The following CNBD1 variants were observed in gnomAD, a reference collection of about 807,000 sequenced individuals.
CNBD1 encodes cyclic nucleotide-binding domain-containing protein 1.
CNBD1 carries 71 observed loss-of-function variants against 54.4 expected under a neutral mutation model. The observed-to-expected ratio is 1.30, with a 90% confidence interval of 1.08 to 1.59. The LOEUF is 1.59. Ranked by LOEUF, CNBD1 falls within the 40% of genes most tolerant of loss-of-function variation. The pLI is 0.00. For synonymous variants in CNBD1, 182 were observed against 170.7 expected (o/e 1.07, Z -0.51); for missense variants, 659 against 518.0 (o/e 1.27, Z -2.64).
At chr8:87,224,665 G>T (rs902358723) in intron 5 of CNBD1, among the ~76,000 whole-genome samples, 1 of 151,806 alleles carries the variant, frequency 6.6e-6, no homozygotes, top group Non-Finnish European at 1.5e-5. Flanking sequence ...ATAGTTTGAA[G>T]TCAGGTAGTG....
intron 2 of CNBD1, among the ~76,000 whole-genome samples, chr8:87,424,214 T>C (rs2098329610): frequency 6.6e-6 from 1 of 152,070 alleles, no homozygotes; most frequent in Admixed American, 6.5e-5. Context: ...TGTTGATCCT[T>C]TCAAAATACC....
intron 8 of CNBD1, among the ~76,000 whole-genome samples, chr8:87,296,945 G>A (rs1808887104): frequency 6.6e-6 from 1 of 151,908 alleles, no homozygotes; most frequent in South Asian, 2.1e-4. Flanking sequence ...GGAGGCCGAG[G>A]CGGGCGGATC....
At chr8:87,334,114 G>T (rs1386494333) in intron 8 of CNBD1, among the ~76,000 whole-genome samples, 1 of 152,064 alleles carries the variant, frequency 6.6e-6, no homozygotes, top group Admixed American at 6.6e-5. Flanking sequence ...TCTTGGGAGG[G>T]TGTATGTGTC....
chr8:87,257,991 A>G (rs1808055346), intron 6 of CNBD1, among the ~76,000 whole-genome samples: 1 of 152,170 alleles, frequency 6.6e-6, no homozygotes, highest in Non-Finnish European at 1.5e-5. Flanking sequence ...ACAATTTTGA[A>G]ACATATCTTA....
chr8:86,958,834 G>A (rs150703684), intron 4 of CNBD1, among the ~76,000 whole-genome samples: 17,622 of 152,120 alleles, frequency 0.12, 1,218 homozygotes, highest in African/African-American at 0.19. Flanking sequence ...TTACATTTAA[G>A]ATTAATATTG....
intron 10 of CNBD1, among the ~76,000 whole-genome samples, chr8:87,378,352 A>G (rs1423370255): frequency 6.7e-6 from 1 of 148,714 alleles, no homozygotes; most frequent in Admixed American, 6.7e-5. Context: ...GAAGGGATCC[A>G]GTTTCAGCTT....
chr8:87,312,523 G>A (rs939181136), intron 8 of CNBD1, among the ~76,000 whole-genome samples: 3 of 151,980 alleles, frequency 2.0e-5, no homozygotes, highest in Non-Finnish European at 4.4e-5. Context: ...GTTTGACATT[G>A]CTTTTATAAA....
chr8:87,283,330 A>T (rs575138127), intron 6 of CNBD1, among the ~76,000 whole-genome samples: 3 of 151,492 alleles, frequency 2.0e-5, no homozygotes, highest in African/African-American at 4.8e-5. Context: ...AGGTTGTTCA[A>T]TTTTTTTCTC....
chr8:87,403,449 C>G (rs1807602038), intron 2 of CNBD1, among the ~76,000 whole-genome samples: 1 of 151,986 alleles, frequency 6.6e-6, no homozygotes, highest in South Asian at 2.1e-4. Context: ...ACCCTAGTTT[C>G]AATTTCCGCG....
intron 2 of CNBD1, among the ~76,000 whole-genome samples, chr8:87,406,265 A>G (rs1807651053): frequency 6.6e-6 from 1 of 152,062 alleles, no homozygotes. Context: ...CTGTAGTATG[A>G]TATTATTTTT....
At chr8:86,892,593 T>C (rs1378463430) in intron 2 of CNBD1, among the ~76,000 whole-genome samples, 2 of 152,268 alleles carry the variant, frequency 1.3e-5, no homozygotes, top group Non-Finnish European at 2.9e-5. Context: ...GAAAATAACA[T>C]TTTAAGATTT....
intron 4 of CNBD1, among the ~76,000 whole-genome samples, chr8:87,065,092 T>C (rs1245723103): frequency 6.6e-6 from 1 of 151,998 alleles, no homozygotes; most frequent in Non-Finnish European, 1.5e-5. Context: ...AATTTGGTGG[T>C]GTCTTTCAGT....
At chr8:87,377,231 C>A (rs1383951337) in intron 10 of CNBD1, among the ~76,000 whole-genome samples, 2 of 150,906 alleles carry the variant, frequency 1.3e-5, no homozygotes, top group East Asian at 3.9e-4. Flanking sequence ...ATACATGTGC[C>A]ATGCTGGTGC....
intron 5 of CNBD1, among the ~76,000 whole-genome samples, chr8:87,226,615 G>A (rs200723357): frequency 0.56 from 83,109 of 147,424 alleles, 24,269 homozygotes; most frequent in African/African-American, 0.64. Context: ...ATAGTTTGTT[G>A]TAATTTCTGT....
At chr8:87,246,616 T>C (rs1280103800) in intron 6 of CNBD1, among the ~76,000 whole-genome samples, 1 of 152,132 alleles carries the variant, frequency 6.6e-6, no homozygotes, top group Non-Finnish European at 1.5e-5. Context: ...ACAACAAAAT[T>C]ACCTGGACAC....
intron 6 of CNBD1, among the ~76,000 whole-genome samples, chr8:87,241,032 C>T (rs1371654046): frequency 1.3e-5 from 2 of 152,040 alleles, no homozygotes; most frequent in East Asian, 1.9e-4. Context: ...GCTGTGTCCT[C>T]ACTCTGAGCC....
chr8:86,885,108 A>C (rs1420835326), intron 1 of CNBD1, among the ~76,000 whole-genome samples: 1 of 152,196 alleles, frequency 6.6e-6, no homozygotes, highest in Non-Finnish European at 1.5e-5. Flanking sequence ...ATACCTCTTA[A>C]AGGAAAGCTT....
At chr8:87,151,839 G>T (rs1812610611) in intron 4 of CNBD1, among the ~76,000 whole-genome samples, 1 of 151,914 alleles carries the variant, frequency 6.6e-6, no homozygotes, top group South Asian at 2.1e-4. Flanking sequence ...GTCATATTTT[G>T]GTCTATACTT....
In CNBD1 at chr8:87,378,766, T is replaced by A. The variant is rs1303951598; in HGVS notation, c.1304-3854T>A. On this transcript the variant is annotated intron_variant, in intron 10 of 10. Transcript: ENST00000518476. ...GGGCAGTATGGACATTTTCATGATA[T>A]TGATTCTTCCTACCCATGAGCATGG... Among the ~76,000 whole-genome samples the A allele has an allele frequency of 2.6e-5, 4 of 151,250 alleles. 1 individual carries two copies. Among genetic ancestry groups the A allele is most frequent in the African/African-American group, 9.8e-5 (4 of 40,636 alleles).
Sources: allele counts gnomAD v4.1 joint callset (sites outside exome capture counted in the v4.1 genomes callset), GRCh38; gene constraint gnomAD v4.1.1; transcripts MANE v1.5; gene names NCBI Gene and HGNC (gene_info 2026-07-23, HGNC 2026-07-21).